Variants in MCC observed in about 807,000 individuals in gnomAD.
MCC encodes the protein colorectal mutant cancer protein.
In MCC, 90 loss-of-function variants were observed where a neutral mutation model predicts 116.2. The observed-to-expected ratio is 0.77, with a 90% confidence interval of 0.65 to 0.92. The LOEUF is 0.92. MCC is among the 40% of genes least tolerant of loss of function. The pLI is 0.00. For synonymous variants in MCC, 578 were observed against 510.5 expected (o/e 1.13, Z -1.78); for missense variants, 1,516 against 1,312.2 (o/e 1.16, Z -2.40).
intron 3 of MCC, among the ~76,000 whole-genome samples, chr5:113,331,374 C>T (rs1767692383): frequency 6.6e-6 from 1 of 151,694 alleles, no homozygotes; most frequent in Admixed American, 6.6e-5. Context: ...GCTGTTCCTT[C>T]TCTTGCCAAT....
At chr5:113,206,790 T>C (rs1192122279) in intron 3 of MCC, among the ~76,000 whole-genome samples, 1 of 152,214 alleles carries the variant, frequency 6.6e-6, no homozygotes, top group Non-Finnish European at 1.5e-5. Context: ...GTAAGTAAAT[T>C]AGGTAATTTA....
At chr5:113,340,408 C>G in intron 3 of MCC, 111 bp downstream of exon 3, 1 of 909,574 alleles carries the variant, frequency 1.1e-6, no homozygotes. Context: ...CAATATTTAC[C>G]GCAATAAAGA....
chr5:113,135,225 A>T (rs1038272783), intron 5 of MCC, among the ~76,000 whole-genome samples: 26 of 146,414 alleles, frequency 1.8e-4, no homozygotes, highest in African/African-American at 6.5e-4. Flanking sequence ...GGCGTGAGCC[A>T]CTGTGCCCAG....
chr5:113,122,860 G>C (rs752926086), intron 5 of MCC, 34 bp from the exon 6 acceptor site: 7 of 1,608,036 alleles, frequency 4.4e-6, no homozygotes, highest in Non-Finnish European at 6.0e-6. Flanking sequence ...ACCACTAACA[G>C]AGGATATAAG....
chr5:113,064,057 A>G lies in MCC; in HGVS notation c.2140T>C (p.Cys714Arg). Reference protein sequence around the residue: ...KALLMKLDGSCGGAFAVAGCS... With the variant: ...KALLMKLDGSRGGAFAVAGCS... ...CCGGCCACGGCAAAGGCTCCCCCAC[A>G]GCTGCCGTCCAGCTTCATGAGCAGG... Residue 714 changes from cysteine to arginine, a missense_variant, in exon 14 of 19, where the codon TGT becomes CGT. By Grantham distance (180) the Cys-to-Arg change is radical. Transcript: ENST00000408903. 6.2e-7 allele frequency: 1 copy of G among 1,614,196 alleles called. No homozygotes were observed. The highest frequency in any genetic ancestry group is 8.5e-7 in the Non-Finnish European group (1 of 1,180,022).
intron 3 of MCC, among the ~76,000 whole-genome samples, chr5:113,153,562 C>A (rs1760007200): frequency 6.6e-6 from 1 of 152,224 alleles, no homozygotes; most frequent in African/African-American, 2.4e-5. Context: ...CTTCACTTCT[C>A]TGGATGGAAG....
At chr5:113,137,789 C>T (rs1413140730) in intron 5 of MCC, among the ~76,000 whole-genome samples, 1 of 152,110 alleles carries the variant, frequency 6.6e-6, no homozygotes, top group African/African-American at 2.4e-5. Flanking sequence ...AAACACAGCA[C>T]CATATACTGT....
chr5:113,163,238 C>A (rs536934449), intron 3 of MCC, among the ~76,000 whole-genome samples: 2 of 152,074 alleles, frequency 1.3e-5, no homozygotes, highest in East Asian at 1.9e-4. Flanking sequence ...AAAGAGAGGA[C>A]CAAGGAAGTT....
rs975043616 is a variant in MCC, at chr5:113,424,058, G to A, written c.171-38846C>T. ...ATATCTGTGTGTATTAGGAAGGGGA[G>A]GGAAGAATCTCTCAGTGAAACAGCC... On this transcript the variant is annotated intron_variant, in intron 1 of 18. Transcript: ENST00000408903. Among the ~76,000 whole-genome samples, 3 of 151,262 alleles carry A rather than the reference G, an allele frequency of 2.0e-5. No homozygotes were observed. The South Asian group carries it at 6.3e-4, about 32-fold the overall frequency.
chr5:113,350,934 G>C (rs549410616), intron 2 of MCC, among the ~76,000 whole-genome samples: 12 of 152,090 alleles, frequency 7.9e-5, no homozygotes, highest in African/African-American at 2.6e-4. Context: ...CTATGAAAAG[G>C]TGCTCAACAT....
At chr5:113,294,890 G>A (rs1435692686) in intron 3 of MCC, 11 of 985,532 alleles carry the variant, frequency 1.1e-5, no homozygotes, top group East Asian at 2.3e-4. Context: ...GAGCCGGAGC[G>A]GAGCTGCACT....
chr5:113,249,800 T>C (rs937876308), intron 3 of MCC, among the ~76,000 whole-genome samples: 1 of 152,200 alleles, frequency 6.6e-6, no homozygotes. Context: ...ACAGACGAAG[T>C]TGGCCTTCAG....
intron 5 of MCC, among the ~76,000 whole-genome samples, chr5:113,123,577 C>G (rs1757858390): frequency 6.6e-6 from 1 of 152,138 alleles, no homozygotes; most frequent in South Asian, 2.1e-4. Context: ...TTCAGAGGTC[C>G]CTCAACCTCT....
chr5:113,379,466 G>A (rs78619842), intron 2 of MCC, among the ~76,000 whole-genome samples: 4,635 of 152,140 alleles, frequency 0.03, 229 homozygotes, highest in African/African-American at 0.11. Flanking sequence ...TTGTGTTACC[G>A]CTTTATCTTG....
At chr5:113,116,621 C>A (rs546758760) in intron 6 of MCC, among the ~76,000 whole-genome samples, 1 of 152,294 alleles carries the variant, frequency 6.6e-6, no homozygotes, top group Non-Finnish European at 1.5e-5. Flanking sequence ...CCCCAAGTCT[C>A]TTTTGGGGAC....
At chr5:113,187,290 G>A (rs553082369) in intron 3 of MCC, among the ~76,000 whole-genome samples, 12 of 152,184 alleles carry the variant, frequency 7.9e-5, no homozygotes, top group South Asian at 4.1e-4. Flanking sequence ...TGCATTTTTC[G>A]TAGAGATCGG....
At chr5:113,172,658 T>A (rs1190537897) in intron 3 of MCC, among the ~76,000 whole-genome samples, 1 of 152,216 alleles carries the variant, frequency 6.6e-6, no homozygotes, top group Admixed American at 6.5e-5. Flanking sequence ...GGGCGTACCA[T>A]AACTTAGCCA....
At position 113,076,919 on chromosome 5, in the gene MCC, G is replaced by A. The variant is rs1308156352; in HGVS notation, c.1785-5685C>T. Reference sequence around the variant, plus strand: ...GCTGTATTCAAGAAACCCATCTCACGAGCAGAGACACACATGGGCTCAAAA... The same window carrying A: ...GCTGTATTCAAGAAACCCATCTCACAAGCAGAGACACACATGGGCTCAAAA... On this transcript the variant is annotated intron_variant, in intron 11 of 18. Coordinates refer to ENST00000408903, the MANE Select transcript of MCC (RefSeq NM_001085377.2). Among the ~76,000 whole-genome samples, 5 of 152,272 alleles carry A rather than the reference G, an allele frequency of 3.3e-5. No homozygotes were observed. The East Asian group carries it at 7.7e-4, about 24-fold the overall frequency.
Position 113,082,997 on chromosome 5 carries a change from A to G in MCC, c.1647T>C (p.Ser549=). ...SEISSIGVSS[S]VAEHLAHSLQ... ...GTGAGTGGGCCAGGTGTTCAGCCAC[A>G]CTGCTGGATACCTGCAAAAAGAAGC... The change falls in exon 11 of 19, where the codon AGT becomes AGC. Residue 549 remains serine (S), a synonymous_variant. Coordinates refer to ENST00000408903, the MANE Select transcript of MCC (RefSeq NM_001085377.2). 6.2e-7 allele frequency: 1 copy of G among 1,612,128 alleles called. No individual in the cohort carries two copies. Among genetic ancestry groups the G allele is most frequent in the Non-Finnish European group, 8.5e-7 (1 of 1,179,538 alleles).
Sources: gnomAD v4.1 joint callset for allele counts (sites outside exome capture counted in the v4.1 genomes callset) on GRCh38, gnomAD v4.1.1 for gene constraint, MANE v1.5 for transcripts, NCBI Gene and HGNC (gene_info 2026-07-23, HGNC 2026-07-21) for gene names.